Variants in SEC24C observed in about 807,000 individuals in gnomAD.
The protein encoded by SEC24C is protein transport protein Sec24C.
Under a neutral mutation model 117.0 loss-of-function variants are expected in SEC24C, and 22 were observed. That is an observed-to-expected ratio of 0.19 (90% CI 0.13 to 0.27). The LOEUF (loss-of-function observed/expected upper bound fraction) is 0.27, where lower values mean the gene tolerates loss of function less well. Among genes scored for constraint, SEC24C ranks in the 10% least tolerant of loss-of-function variants. The pLI, the probability that SEC24C is intolerant of heterozygous loss-of-function variation, is 1.00. For missense variants in SEC24C, 1,155 were observed against 1,375.1 expected (o/e 0.84, Z 2.53); for synonymous variants, 506 against 529.4 (o/e 0.96, Z 0.61).
At chr10:73,768,076 T>C in intron 15 of SEC24C, 69 bp downstream of exon 15, 1 of 1,444,118 alleles carries the variant, frequency 6.9e-7, no homozygotes, top group Non-Finnish European at 9.5e-7. Context: ...ATGCAGTGGC[T>C]GACTCATTAA....
chr10:73,760,261 G>A lies in SEC24C; in HGVS notation c.725G>A (p.Ser242Asn), dbSNP rs751417221. ...PGQSFGGPSV[S>N]QPNHVSSPPQ... is the part of the protein sequence containing the mutation. Reference sequence around the variant, plus strand: ...CAGAGTTTTGGAGGGCCCTCAGTGAGCCAGCCCAACCATGTGTCTTCACCT... The same window carrying A: ...CAGAGTTTTGGAGGGCCCTCAGTGAACCAGCCCAACCATGTGTCTTCACCT... Residue 242 changes from serine to asparagine, a missense_variant, in exon 5 of 23, where the codon AGC becomes AAC. This residue lies in a region of SEC24C where 396 missense variants were observed against 382.8 expected (regional missense o/e 1.03). Transcript: ENST00000345254. 3 of 1,613,996 alleles carry A rather than the reference G, an allele frequency of 1.9e-6. No homozygotes were observed. In the Admixed American group the frequency reaches 5.0e-5, roughly 27 times the overall value.
intron 3 of SEC24C, 91 bp downstream of exon 3, chr10:73,751,334 G>A (rs2082639796): frequency 7.8e-7 from 1 of 1,289,710 alleles, no homozygotes; most frequent in African/African-American, 1.5e-5. Flanking sequence ...GCTGAGGTGG[G>A]TGGATCACCT....
intron 1 of SEC24C, among the ~76,000 whole-genome samples, chr10:73,745,275 T>G (rs1344451486): frequency 6.6e-6 from 1 of 152,028 alleles, no homozygotes; most frequent in African/African-American, 2.4e-5. Flanking sequence ...TTCATCCCTG[T>G]GTTGATGAGC....
intron 4 of SEC24C, 21 bp downstream of exon 4, chr10:73,759,815 G>T: frequency 6.5e-7 from 1 of 1,545,310 alleles, no homozygotes; most frequent in South Asian, 1.2e-5. Flanking sequence ...GTGAACACAG[G>T]AATGTTACTG....
chr10:73,756,899 A>ATTT lies in SEC24C; in HGVS notation c.309-2696_309-2694dup, dbSNP rs1172846982. Among the ~76,000 whole-genome samples, 10 of 41,926 alleles carry ATTT rather than the reference A, an allele frequency of 2.4e-4. 1 individual carries two copies. Among genetic ancestry groups the ATTT allele is most frequent in the African/African-American group, 8.2e-4 (8 of 9,700 alleles). 27.5% of individuals were successfully genotyped at this position (41,926 alleles called of 152,430 possible). On this transcript the variant is annotated intron_variant, in intron 3 of 22. Transcript: ENST00000345254. ...AGGTGTGAGTCACTGTTCCTGGCCAATTTTTTTTTTTTTTTTTTTTTTTTT... is the reference window on the plus strand; with the variant it reads ...AGGTGTGAGTCACTGTTCCTGGCCAATTTTTTTTTTTTTTTTTTTTTTTTTTTT...
Position 73,746,925 on chromosome 10 carries a change from A to T in SEC24C, c.93A>T (p.Gln31His), listed in dbSNP as rs199572868. The T allele has an allele frequency of 2.5e-6, 4 of 1,614,004 alleles. No homozygotes were observed. Among genetic ancestry groups the T allele is most frequent in the Admixed American group, 1.7e-5 (1 of 59,990 alleles). The stretch of plus-strand genomic sequence containing the variant: ...ATCATCAGTCCAGCTATGGTGGGCA[A>T]TCAGGGTCCACAGCCCCCGCCATTC... ...PGYHQSSYGG[Q>H]SGSTAPAIPY... The change falls in exon 2 of 23, where the codon CAA becomes CAT. Residue 31 changes from glutamine (Q) to histidine (H), a missense_variant. Gln to His is a conservative substitution (Grantham distance 24). This residue lies in a region of SEC24C where 396 missense variants were observed against 382.8 expected (regional missense o/e 1.03). Transcript: ENST00000345254.
intron 1 of SEC24C, among the ~76,000 whole-genome samples, 188 bp downstream of exon 1, chr10:73,744,625 A>G (rs1209142804): frequency 6.6e-6 from 1 of 152,098 alleles, no homozygotes; most frequent in African/African-American, 2.4e-5. Context: ...CTCCCGGCCC[A>G]GATTCCGGCT....
At chr10:73,766,618 G>T in intron 12 of SEC24C, 77 bp downstream of exon 12, 7 of 1,491,914 alleles carry the variant, frequency 4.7e-6, no homozygotes, top group Non-Finnish European at 6.4e-6. Context: ...TTGAACAGAG[G>T]TATTGGACAG....
chr10:73,768,903 A>T lies in SEC24C; in HGVS notation c.2275A>T (p.Thr759Ser), dbSNP rs2082927476. ...FDAVMRVRTSTGIRAVDFFGA... is the reference protein window; with the variant it reads ...FDAVMRVRTSSGIRAVDFFGA... ...TGCTGTGATGCGGGTCCGGACAAGCACTGGTCAGTCCTGATTGAAGAGCAG... is the reference window on the plus strand; with the variant it reads ...TGCTGTGATGCGGGTCCGGACAAGCTCTGGTCAGTCCTGATTGAAGAGCAG... The change falls in exon 16 of 23, where the codon ACT becomes TCT. Residue 759 changes from threonine to serine, a missense_variant. Physicochemically the swap from Thr to Ser is moderately conservative, Grantham distance 58. Around this residue, in one of 2 missense-constraint regions of SEC24C, gnomAD observed 759 missense variants for 992.3 expected, o/e 0.76. Coordinates refer to ENST00000345254, the MANE Select transcript of SEC24C (RefSeq NM_198597.3). The T allele has an allele frequency of 2.5e-6, 4 of 1,614,076 alleles. No homozygotes were observed. In the Admixed American group the frequency reaches 5.0e-5, roughly 20 times the overall value.
intron 6 of SEC24C, chr10:73,762,010 C>T: frequency 1.1e-6 from 1 of 897,822 alleles, no homozygotes; most frequent in Non-Finnish European, 1.6e-6. Context: ...TCTAACTCAA[C>T]AGGGTTGAGA....
chr10:73,754,831 C>T (rs886775212), intron 3 of SEC24C, among the ~76,000 whole-genome samples: 12 of 152,144 alleles, frequency 7.9e-5, no homozygotes, highest in East Asian at 3.9e-4. Context: ...AAAGAGGAGC[C>T]GCCATTAAAA....
chr10:73,759,271 C>T (rs370531707), intron 3 of SEC24C, among the ~76,000 whole-genome samples: 7 of 151,926 alleles, frequency 4.6e-5, no homozygotes, highest in South Asian at 2.1e-4. Context: ...CATGCTTATG[C>T]GTGCCTTCCC....
At chr10:73,750,270 A>G (rs2082625068) in intron 2 of SEC24C, among the ~76,000 whole-genome samples, 1 of 152,210 alleles carries the variant, frequency 6.6e-6, no homozygotes, top group Non-Finnish European at 1.5e-5. Context: ...CAGGTTCTAT[A>G]ATGTCTAATC....
Position 73,769,049 on chromosome 10 carries a change from A to G in SEC24C, c.2321A>G (p.Asn774Ser). Residue 774 changes from asparagine to serine, a missense_variant, in exon 17 of 23, where the codon AAC becomes AGC. Transcript: ENST00000345254. The surrounding 1 kb of genome is among the most constrained non-coding windows in gnomAD (Gnocchi z 4.5). ...VDFFGAFYMS[N>S]TTDVELAGLD... ...TTCTTTGGAGCTTTCTACATGAGCA[A>G]CACGACAGATGTGGAGCTGGCTGGG... is the stretch of plus-strand genomic sequence containing the variant. The G allele has an allele frequency of 6.2e-7, 1 of 1,614,238 alleles. No individual in the cohort carries two copies. Among genetic ancestry groups the G allele is most frequent in the Non-Finnish European group, 8.5e-7 (1 of 1,180,036 alleles).
At position 73,769,584 on chromosome 10, in the gene SEC24C, G is replaced by C. The variant is rs1244566321; in HGVS notation, c.2564-31G>C. The C allele has an allele frequency of 6.2e-7, 1 of 1,613,208 alleles. No homozygotes were observed. Among genetic ancestry groups the C allele is most frequent in the Non-Finnish European group, 8.5e-7 (1 of 1,179,276 alleles). On this transcript the variant is annotated intron_variant, in intron 18 of 22. Transcript: ENST00000345254. This position sits in a 1 kb window ranked among gnomAD's most constrained non-coding sequence, Gnocchi z 4.5. ...GGGAATGCACACATGATGGGCAGCT[G>C]ACCAGTGACTATCTTTGCTTTCCCA...
intron 15 of SEC24C, among the ~76,000 whole-genome samples, chr10:73,768,511 A>G: frequency 6.6e-6 from 1 of 152,216 alleles, no homozygotes; most frequent in Non-Finnish European, 1.5e-5. Flanking sequence ...TACTAGCTAC[A>G]TGACCTAGGA....
chr10:73,757,010 A>C (rs1409076539), intron 3 of SEC24C, among the ~76,000 whole-genome samples: 3 of 146,860 alleles, frequency 2.0e-5, no homozygotes, highest in African/African-American at 7.6e-5. Context: ...TCCCAGGTTC[A>C]AGTGAATCTC....
At position 73,766,378 on chromosome 10, in the gene SEC24C, C is replaced by A. The variant is rs554903997; in HGVS notation, c.1636C>A (p.Arg546Ser). 1 of 1,609,628 alleles carries A rather than the reference C, an allele frequency of 6.2e-7. No homozygotes were observed. The change falls in exon 12 of 23, where the codon CGC (arginine) becomes AGC (serine). Residue 546 changes from arginine to serine, a missense_variant. By Grantham distance (110) the Arg-to-Ser change is moderately radical. Transcript: ENST00000345254. ...GGGTGGGGCAGAAGAGTCAGCAATC[C>A]GCGTTGGCTTTGTCACCTACAATAA... ...REGGAEESAIRVGFVTYNKVL... is the reference protein window; with the variant it reads ...REGGAEESAISVGFVTYNKVL...
rs768458958 is a variant in SEC24C, at chr10:73,763,608, A to C, written c.1099+7A>C. 7 of 1,497,470 alleles carry C rather than the reference A, an allele frequency of 4.7e-6. No homozygotes were observed. The highest frequency in any genetic ancestry group is 6.4e-6 in the Non-Finnish European group (7 of 1,095,814). 92.8% of individuals were successfully genotyped at this position (1,497,470 alleles called of 1,614,324 possible). On this transcript the variant is annotated splice_region_variant and intron_variant, in intron 7 of 22. Transcript: ENST00000345254. ...TTCCTGGTGAAAGACCAAGGTGAGA[A>C]TGGAATTAGCTCCTCCCACAGGGGC...
Sources: gnomAD v4.1 joint callset for allele counts (sites outside exome capture counted in the v4.1 genomes callset) on GRCh38, gnomAD v4.1.1 for gene constraint, gnomAD v4.1.1 regional missense constraint, Gnocchi (gnomAD v3.1) non-coding constraint, MANE v1.5 for transcripts, NCBI Gene and HGNC (gene_info 2026-07-23, HGNC 2026-07-21) for gene names.